The following PCDHGA1 variants were observed in gnomAD, a reference collection of about 807,000 sequenced individuals.
PCDHGA1 encodes the protein protocadherin gamma subfamily A, 1, also known as protocadherin gamma-A1.
Under a neutral mutation model 58.0 loss-of-function variants are expected in PCDHGA1, and 32 were observed. The observed-to-expected ratio is 0.55, with a 90% CI of 0.42 to 0.74. PCDHGA1 has a LOEUF of 0.74. PCDHGA1 is among the 30% of genes least tolerant of loss of function. The probability of loss-of-function intolerance (pLI) is 0.00; values close to 1 mark genes in which losing one functional copy is unlikely to be tolerated. For missense variants in PCDHGA1, 1,205 were observed against 1,182.3 expected, an observed-to-expected ratio of 1.02 and a Z score of -0.28; for synonymous variants, 498 against 501.1, an observed-to-expected ratio of 0.99 and a Z score of 0.08.
At chr5:141,376,250 C>T (rs777637519) in intron 1 of PCDHGA1, 13 of 1,614,128 alleles carry the variant, frequency 8.1e-6, no homozygotes, top group African/African-American at 8.0e-5. Flanking sequence ...GCACAAGTCA[C>T]GCCTGCTGCA....
chr5:141,345,732 C>T lies in PCDHGA1; in HGVS notation c.2421+12627C>T, dbSNP rs201819603. 3,767 of 1,614,222 alleles carry T rather than the reference C, an allele frequency of 2.3e-3. 7 individuals carry two copies. The highest frequency in any genetic ancestry group is 2.9e-3 in the Non-Finnish European group (3,407 of 1,180,036). ...CGCGCCCGAGATCCTGTACCCCGCC[C>T]TCCCCACAGACGGTTCCACTGGCGT... On this transcript the variant is annotated intron_variant, in intron 1 of 3. Coordinates refer to ENST00000517417, the MANE Select transcript of PCDHGA1 (RefSeq NM_018912.3).
At position 141,485,662 on chromosome 5, in the gene PCDHGA1, G is replaced by T. The variant is rs778404230; in HGVS notation, c.2422-9145G>T. ...AAAAGGCTCAGGATGCAGATGTGGG[G>T]AGCAATTCGATTAGCAGCTATAGGC... On this transcript the variant is annotated intron_variant, in intron 1 of 3. Coordinates refer to ENST00000517417, the MANE Select transcript of PCDHGA1 (RefSeq NM_018912.3). This position sits in a 1 kb window ranked among gnomAD's most constrained non-coding sequence, Gnocchi z 5.7. The T allele has an allele frequency of 1.1e-5, 18 of 1,612,748 alleles. No individual in the cohort carries two copies. The South Asian group carries it at 1.9e-4, about 17-fold the overall frequency.
At chr5:141,420,254 G>C (rs186977117) in intron 1 of PCDHGA1, 3 of 1,569,172 alleles carry the variant, frequency 1.9e-6, no homozygotes, top group Admixed American at 3.8e-5. Context: ...CGTTGAAGCA[G>C]ATAAGAAGAT....
intron 1 of PCDHGA1, chr5:141,421,501 G>T: frequency 6.2e-7 from 1 of 1,614,094 alleles, no homozygotes; most frequent in Non-Finnish European, 8.5e-7. Context: ...AGGCAGGATA[G>T]ACCGGGAGGA....
intron 1 of PCDHGA1, chr5:141,342,649 T>A (rs187053483): frequency 2.6e-4 from 39 of 152,344 alleles, no homozygotes; most frequent in African/African-American, 8.9e-4. Flanking sequence ...GCTTTACTTG[T>A]AAGTGAATAA....
chr5:141,418,883 G>A (rs376245268), intron 1 of PCDHGA1: 5 of 1,613,960 alleles, frequency 3.1e-6, no homozygotes, highest in East Asian at 2.2e-5. Flanking sequence ...AGACGAAAAC[G>A]ACAACAGCCC....
chr5:141,398,799 C>A, intron 1 of PCDHGA1: 1 of 1,613,966 alleles, frequency 6.2e-7, no homozygotes, highest in South Asian at 1.1e-5. Context: ...CCCTAAGCGG[C>A]ACCACTGAGC....
Position 141,431,473 on chromosome 5 carries a change from C to A in PCDHGA1, c.2422-63334C>A, listed in dbSNP as rs750300971. 16 of 1,613,714 alleles carry A rather than the reference C, an allele frequency of 9.9e-6. 1 individual carries two copies. The highest frequency in any genetic ancestry group is 9.3e-5 in the African/African-American group (7 of 74,948). On this transcript the variant is annotated intron_variant, in intron 1 of 3. Transcript: ENST00000517417. This position sits in a 1 kb window ranked among gnomAD's most constrained non-coding sequence, Gnocchi z 4.8. Reference sequence around the variant, plus strand: ...TGATGGTTCTGGATGCGAACGACAACGCACCAGCGTTTGCTCAGCCCGAGT... The same window carrying A: ...TGATGGTTCTGGATGCGAACGACAAAGCACCAGCGTTTGCTCAGCCCGAGT...
chr5:141,421,834 C>A, intron 1 of PCDHGA1: 2 of 1,613,748 alleles, frequency 1.2e-6, no homozygotes. Flanking sequence ...AAGCCTGGAC[C>A]GAGAGAAAGA....
At chr5:141,421,120 G>T (rs747126094) in intron 1 of PCDHGA1, 4 of 779,870 alleles carry the variant, frequency 5.1e-6, no homozygotes, top group Non-Finnish European at 7.9e-6. Flanking sequence ...ATTTTCCTTC[G>T]CTTTCTGATA....
chr5:141,491,794 TCCGG>T lies in PCDHGA1; in HGVS notation c.2422-3007_2422-3004del. The T allele has an allele frequency of 6.6e-7, 1 of 1,511,056 alleles. No homozygotes were observed. The highest frequency in any genetic ancestry group is 8.8e-7 in the Non-Finnish European group (1 of 1,130,146). 93.6% of individuals were successfully genotyped at this position (1,511,056 alleles called of 1,614,324 possible). A position where few individuals can be genotyped will look rare whatever the true frequency, so the allele number is the denominator to read the frequency against. Reference sequence around the variant, plus strand: ...GGGATTGAACTTGCATCCACTCCTCTCCGGCCGGCTTGGTCGCTGGCTGCGCTCC... The same window carrying T: ...GGGATTGAACTTGCATCCACTCCTCTCCGGCTTGGTCGCTGGCTGCGCTCC... On this transcript the variant is annotated intron_variant, in intron 1 of 3. Transcript: ENST00000517417. The surrounding 1 kb of genome is among the most constrained non-coding windows in gnomAD (Gnocchi z 6.9).
chr5:141,428,392 T>A, intron 1 of PCDHGA1: 1 of 497,196 alleles, frequency 2.0e-6, no homozygotes, highest in Admixed American at 3.1e-5. Flanking sequence ...TTCCAGCCCC[T>A]CTGCCTGGGG....
chr5:141,403,308 T>C (rs1245270186), intron 1 of PCDHGA1: 2 of 1,613,866 alleles, frequency 1.2e-6, no homozygotes, highest in Admixed American at 1.7e-5. Flanking sequence ...CTGTACGGAA[T>C]AGAAATAGAA....
chr5:141,397,205 AAG>A (rs896486095), intron 1 of PCDHGA1, among the ~76,000 whole-genome samples: 76 of 152,336 alleles, frequency 5.0e-4, no homozygotes, highest in African/African-American at 1.8e-3. Context: ...GATATGACAT[AAG>A]AGAAGTATTT....
At chr5:141,393,406 G>A (rs762034418) in intron 1 of PCDHGA1, 1 of 1,614,026 alleles carries the variant, frequency 6.2e-7, no homozygotes, top group Admixed American at 1.7e-5. Flanking sequence ...GTGCTGGAGC[G>A]CGCCCTGGAC....
intron 1 of PCDHGA1, chr5:141,400,486 CT>C: frequency 1.2e-6 from 2 of 1,614,034 alleles, no homozygotes; most frequent in African/African-American, 1.3e-5. Context: ...CTTATTTCCA[CT>C]TTGTAATTCC....
Position 141,332,244 on chromosome 5 carries a change from C to T in PCDHGA1, c.1560C>T (p.Phe520=), listed in dbSNP as rs756949308. Reference sequence around the variant, plus strand: ...GGGTCCTGTATGCGCTGCGATCCTTCGACTATGAGCAGTTCCGGGACATGC... The same window carrying T: ...GGGTCCTGTATGCGCTGCGATCCTTTGACTATGAGCAGTTCCGGGACATGC... ...DTGVLYALRS[F]DYEQFRDMQL... The change falls in exon 1 of 4, where the codon TTC becomes TTT. Residue 520 remains phenylalanine, a synonymous_variant. Coordinates refer to ENST00000517417, the MANE Select transcript of PCDHGA1 (RefSeq NM_018912.3). This position sits in a 1 kb window ranked among gnomAD's most constrained non-coding sequence, Gnocchi z 4.6. 1.9e-6 allele frequency: 3 copies of T among 1,614,226 alleles called. No homozygotes were observed. Among genetic ancestry groups the T allele is most frequent in the South Asian group, 2.2e-5 (2 of 91,082 alleles).
chr5:141,374,104 T>A (rs200348921), intron 1 of PCDHGA1: 3 of 1,570,610 alleles, frequency 1.9e-6, no homozygotes, highest in Non-Finnish European at 8.6e-7. Context: ...CGCAGAGGCA[T>A]CCGCAGCGCA....
intron 1 of PCDHGA1, chr5:141,399,859 G>T: frequency 1.2e-6 from 2 of 1,612,844 alleles, no homozygotes; most frequent in Non-Finnish European, 1.7e-6. Context: ...GCCGCGCGCT[G>T]CAGAGCCCGG....
Sources: allele counts gnomAD v4.1 joint callset (sites outside exome capture counted in the v4.1 genomes callset), GRCh38; gene constraint gnomAD v4.1.1; non-coding constraint Gnocchi (gnomAD v3.1); transcripts MANE v1.5; gene names NCBI Gene and HGNC (gene_info 2026-07-23, HGNC 2026-07-21).